Variants in FMN1 observed in about 807,000 individuals in gnomAD.
The protein encoded by FMN1 is formin 1.
FMN1 carries 110 observed loss-of-function variants against 132.4 expected under a neutral mutation model. That is an observed-to-expected ratio of 0.83 (90% confidence interval 0.71 to 0.97). The LOEUF is 0.97. Among genes scored for constraint, FMN1 ranks in the 50% least tolerant of loss-of-function variants. The probability of loss-of-function intolerance (pLI) is 0.00; values close to 1 mark genes in which losing one functional copy is unlikely to be tolerated. For missense variants in FMN1, 1,792 were observed against 1,705.3 expected (o/e 1.05, Z -0.90); for synonymous variants, 722 against 651.7 (o/e 1.11, Z -1.64).
chr15:33,011,481 T>C (rs974231585), intron 6 of FMN1, among the ~76,000 whole-genome samples: 12 of 151,984 alleles, frequency 7.9e-5, no homozygotes, highest in African/African-American at 2.9e-4. Flanking sequence ...TCTTATAAAA[T>C]TTATCTTATA....
Position 32,885,575 on chromosome 15 carries a change from G to T in FMN1, c.3835+2597C>A, listed in dbSNP as rs16960580. On this transcript the variant is annotated intron_variant, in intron 16 of 20. Coordinates refer to ENST00000616417, the MANE Select transcript of FMN1 (RefSeq NM_001277313.2). ...ATAGTATCTGCCTCACAAGGTCACT[G>T]CAGAATTAAAAGAGGTGATATAGAT... is the stretch of plus-strand genomic sequence containing the variant. 9.5e-3 allele frequency among the ~76,000 whole-genome samples: 1,441 copies of T among 152,276 alleles called. 20 individuals carry two copies. The highest frequency in any genetic ancestry group is 0.033 in the African/African-American group (1,373 of 41,548).
intron 17 of FMN1, among the ~76,000 whole-genome samples, chr15:32,836,644 A>T (rs1215795790): frequency 6.6e-6 from 1 of 152,216 alleles, no homozygotes; most frequent in African/African-American, 2.4e-5. Flanking sequence ...TGTTTGGTGA[A>T]GAACAAGAGG....
In FMN1 at chr15:33,153,446, T is replaced by C; in HGVS notation, c.1469A>G (p.Lys490Arg). The C allele has an allele frequency of 6.5e-7, 1 of 1,536,818 alleles. No individual in the cohort carries two copies. The highest frequency in any genetic ancestry group is 8.7e-7 in the Non-Finnish European group (1 of 1,147,034). The change falls in exon 4 of 21, where the codon AAG (lysine) becomes AGG (arginine). Residue 490 changes from lysine to arginine, a missense_variant. Lys to Arg is a conservative substitution (Grantham distance 26). Transcript: ENST00000616417. ...PDSSQPRGDK[K>R]KPSPPAPAAL... ...TGCCGGTGCTGGTGGGGATGGCTTC[T>C]TCTTATCACCTCTGGGTTGTGAGGA...
In FMN1 at chr15:32,778,576, G is replaced by T. The variant is rs201906857; in HGVS notation, c.4131-1657C>A. The stretch of plus-strand genomic sequence containing the variant: ...AGATGCTCAACATCATTAGTCATCA[G>T]AAAATGCAAATCAAAACCACAATGG... On this transcript the variant is annotated intron_variant, in intron 19 of 20. Coordinates refer to ENST00000616417, the MANE Select transcript of FMN1 (RefSeq NM_001277313.2). Among the ~76,000 whole-genome samples the T allele has an allele frequency of 1.1e-4, 16 of 152,076 alleles. No homozygotes were observed. The East Asian group carries it at 3.1e-3, about 29-fold the overall frequency.
intron 19 of FMN1, among the ~76,000 whole-genome samples, chr15:32,789,868 G>C (rs576763274): frequency 3.6e-4 from 55 of 152,278 alleles, no homozygotes; most frequent in African/African-American, 1.3e-3. Flanking sequence ...ATTATATTCA[G>C]TACAGTAACC....
At chr15:33,130,676 T>C (rs1345035300) in intron 4 of FMN1, among the ~76,000 whole-genome samples, 1 of 152,256 alleles carries the variant, frequency 6.6e-6, no homozygotes, top group East Asian at 1.9e-4. Flanking sequence ...AGTTTTTATG[T>C]ATTAGTTTTA....
chr15:32,858,098 C>T (rs117992417), intron 16 of FMN1, among the ~76,000 whole-genome samples: 2 of 152,258 alleles, frequency 1.3e-5, no homozygotes, highest in East Asian at 1.9e-4. Flanking sequence ...AATAGAGAAA[C>T]ATATACTACA....
In FMN1 at chr15:32,774,311, T is replaced by TA; in HGVS notation, c.4258dup (p.Ter1420LeufsTer3). ...CCATCATTTCCATGTGTCTTCATCTTAGTTAGTGGTCACACTGGCTTCCTT... is the reference window on the plus strand; with the variant it reads ...CCATCATTTCCATGTGTCTTCATCTTAAGTTAGTGGTCACACTGGCTTCCTT... On this transcript the variant is annotated frameshift_variant and stop_lost, in exon 21 of 21. Coordinates refer to ENST00000616417, the MANE Select transcript of FMN1 (RefSeq NM_001277313.2). LOFTEE classifies it high-confidence loss of function. 1 of 1,603,536 alleles carries TA rather than the reference T, an allele frequency of 6.2e-7. No homozygotes were observed. The highest frequency in any genetic ancestry group is 2.2e-5 in the East Asian group (1 of 44,756).
intron 4 of FMN1, among the ~76,000 whole-genome samples, chr15:33,117,418 A>G (rs889845095): frequency 6.6e-6 from 1 of 152,214 alleles, no homozygotes; most frequent in Non-Finnish European, 1.5e-5. Context: ...AGGGGCTGAG[A>G]GATTGACAAG....
chr15:33,131,502 C>G (rs987931151), intron 4 of FMN1, among the ~76,000 whole-genome samples: 6 of 152,194 alleles, frequency 3.9e-5, no homozygotes, highest in Non-Finnish European at 1.5e-5. Context: ...TACTTTCTCA[C>G]TGTGTGTCAG....
chr15:33,114,595 G>A (rs900621878), intron 4 of FMN1, among the ~76,000 whole-genome samples: 2 of 152,024 alleles, frequency 1.3e-5, no homozygotes, highest in African/African-American at 2.4e-5. Flanking sequence ...GTCTCTCCTC[G>A]TCTCATGACA....
chr15:33,127,449 C>T (rs188116326), intron 4 of FMN1, among the ~76,000 whole-genome samples: 4 of 152,292 alleles, frequency 2.6e-5, no homozygotes, highest in Admixed American at 6.5e-5. Context: ...GAACCTACAT[C>T]TAACTGTAAA....
At chr15:32,820,565 T>C (rs1416782356) in intron 17 of FMN1, among the ~76,000 whole-genome samples, 1 of 152,210 alleles carries the variant, frequency 6.6e-6, no homozygotes, top group African/African-American at 2.4e-5. Context: ...TGTTATCATT[T>C]TGGGAGTATC....
chr15:32,943,834 A>C (rs1171180982), intron 9 of FMN1, among the ~76,000 whole-genome samples: 1 of 152,146 alleles, frequency 6.6e-6, no homozygotes, highest in Non-Finnish European at 1.5e-5. Context: ...AAAATCTTCT[A>C]AGTAATAGAC....
chr15:33,138,154 G>A (rs897331253), intron 4 of FMN1, among the ~76,000 whole-genome samples: 1 of 152,154 alleles, frequency 6.6e-6, no homozygotes, highest in African/African-American at 2.4e-5. Context: ...ACAGGACAAC[G>A]AAAGTGATGA....
At chr15:32,779,521 A>G (rs1320071787) in intron 19 of FMN1, among the ~76,000 whole-genome samples, 1 of 152,194 alleles carries the variant, frequency 6.6e-6, no homozygotes, top group Non-Finnish European at 1.5e-5. Flanking sequence ...GAAAGCATGT[A>G]CACTCTACGA....
At chr15:32,816,504 G>T (rs1193314146) in intron 17 of FMN1, among the ~76,000 whole-genome samples, 1 of 152,028 alleles carries the variant, frequency 6.6e-6, no homozygotes, top group Non-Finnish European at 1.5e-5. Flanking sequence ...TTGAAGAAAG[G>T]GGCTCATTTA....
intron 9 of FMN1, among the ~76,000 whole-genome samples, chr15:32,951,356 G>A (rs1195537210): frequency 6.6e-6 from 1 of 151,984 alleles, no homozygotes; most frequent in Non-Finnish European, 1.5e-5. Context: ...GGTACACACT[G>A]AAGGAATTCA....
intron 19 of FMN1, among the ~76,000 whole-genome samples, chr15:32,788,857 T>C (rs1238599348): frequency 6.6e-6 from 1 of 152,144 alleles, no homozygotes; most frequent in Non-Finnish European, 1.5e-5. Context: ...AGTAATACAG[T>C]CAAGAACAGA....
Sources: allele counts gnomAD v4.1 joint callset (sites outside exome capture counted in the v4.1 genomes callset), GRCh38; gene constraint gnomAD v4.1.1; transcripts MANE v1.5; gene names NCBI Gene and HGNC (gene_info 2026-07-23, HGNC 2026-07-21).